The following B4GALT1 variants were observed in gnomAD, a reference collection of about 807,000 sequenced individuals.
B4GALT1 encodes the protein beta-1,4-galactosyltransferase 1.
In B4GALT1, 16 loss-of-function variants were observed where a neutral mutation model predicts 34.9. The observed-to-expected ratio is 0.46, with a 90% CI of 0.31 to 0.70. B4GALT1 has a LOEUF of 0.70. Ranked by LOEUF, B4GALT1 falls within the 30% of genes least tolerant of loss-of-function variation. B4GALT1 has a pLI of 0.05. For missense variants in B4GALT1, 445 were observed against 530.5 expected (o/e 0.84, Z 1.58); for synonymous variants, 221 against 218.1 (o/e 1.01, Z -0.12).
At chr9:33,128,468 C>G (rs1316980544) in intron 2 of B4GALT1, among the ~76,000 whole-genome samples, 1 of 152,124 alleles carries the variant, frequency 6.6e-6, no homozygotes, top group Non-Finnish European at 1.5e-5. Context: ...AATTCACCAG[C>G]AAATTGAGTC....
At chr9:33,108,250 A>C (rs1041705771), downstream of B4GALT1, among the ~76,000 whole-genome samples, 3 of 152,082 alleles carry the variant, frequency 2.0e-5, no homozygotes, top group Non-Finnish European at 4.4e-5. Flanking sequence ...GGATTACTTA[A>C]GCCCAGGAGT....
At chr9:33,167,391 A>C, upstream of B4GALT1, 9 of 251,106 alleles carry the variant, frequency 3.6e-5, no homozygotes, top group East Asian at 1.1e-4. Flanking sequence ...GCCCCGGCGA[A>C]GGCGGGGGCG....
intron 1 of B4GALT1, among the ~76,000 whole-genome samples, chr9:33,147,948 C>G (rs1431568734): frequency 2.0e-5 from 3 of 151,884 alleles, no homozygotes; most frequent in African/African-American, 7.3e-5. Context: ...GTGGGAGGAT[C>G]GCTTAAGCCC....
chr9:33,127,312 G>C (rs2118105564), intron 2 of B4GALT1, among the ~76,000 whole-genome samples: 1 of 152,324 alleles, frequency 6.6e-6, no homozygotes, highest in East Asian at 1.9e-4. Context: ...CAGGATGCCT[G>C]CCTCTCCCAG....
the B4GALT1 span, among the ~76,000 whole-genome samples, chr9:33,184,253 T>TACACACACACACACAC: frequency 3.1e-4 from 45 of 147,230 alleles, no homozygotes; most frequent in African/African-American, 7.0e-4. Context: ...GTCACTCTTG[T>TACACACACACACACAC]ACACACACAC....
upstream of B4GALT1, among the ~76,000 whole-genome samples, chr9:33,168,515 G>T (rs1354490512): frequency 6.6e-6 from 1 of 152,228 alleles, no homozygotes; most frequent in Admixed American, 6.5e-5. Flanking sequence ...CCATGAAGTA[G>T]GTGGTGTTAC....
At chr9:33,166,492 CCTT>C (rs1226193671) in intron 1 of B4GALT1, among the ~76,000 whole-genome samples, 1 of 152,220 alleles carries the variant, frequency 6.6e-6, no homozygotes, top group African/African-American at 2.4e-5. Flanking sequence ...GTCTCCAAGG[CCTT>C]CTCTGGTTCT....
chr9:33,174,990 A>AAAT, the B4GALT1 span, among the ~76,000 whole-genome samples: 1 of 4,836 alleles, frequency 2.1e-4, no homozygotes, highest in Non-Finnish European at 3.8e-4. Context: ...AAAAAAAAAA[A>AAAT]ATATATATAT....
chr9:33,137,461 C>T (rs73473809), intron 1 of B4GALT1, among the ~76,000 whole-genome samples: 11,913 of 152,202 alleles, frequency 0.078, 766 homozygotes, highest in African/African-American at 0.18. Context: ...CCTTGAAGCT[C>T]AGTCCCTTAT....
Position 33,167,280 on chromosome 9 carries a change from CG to C in B4GALT1, c.-112del. 3 of 1,337,076 alleles carry C rather than the reference CG, an allele frequency of 2.2e-6. No individual in the cohort carries two copies. The highest frequency in any genetic ancestry group is 1.9e-6 in the Non-Finnish European group (2 of 1,028,726). 82.8% of individuals were successfully genotyped at this position (1,337,076 alleles called of 1,614,324 possible). A position where few individuals can be genotyped will look rare whatever the true frequency, so the allele number is the denominator to read the frequency against. ...GCGGCGACTAGGGGAGGGCCCGGAG[CG>C]GGGGCGGGCGAGCGGCTGAGAGCTG... On this transcript the variant is annotated 5_prime_UTR_variant, in exon 1 of 6. Transcript: ENST00000379731.
the B4GALT1 span, among the ~76,000 whole-genome samples, chr9:33,183,271 A>T: frequency 6.6e-6 from 1 of 151,842 alleles, no homozygotes. Flanking sequence ...GTTATCAAAT[A>T]AAAAAAACAT....
At chr9:33,169,401 A>G (rs181609329), upstream of B4GALT1, among the ~76,000 whole-genome samples, 141 of 152,154 alleles carry the variant, frequency 9.3e-4, 1 homozygote, top group African/African-American at 3.3e-3. Context: ...AGCCTGAAAC[A>G]CTTGTCCCCA....
chr9:33,173,965 A>G, the B4GALT1 span, among the ~76,000 whole-genome samples: 2 of 152,234 alleles, frequency 1.3e-5, no homozygotes, highest in African/African-American at 4.8e-5. Context: ...ATGAGTCCAT[A>G]ATGATATAAA....
At chr9:33,130,127 G>A (rs1840172840) in intron 2 of B4GALT1, among the ~76,000 whole-genome samples, 1 of 152,178 alleles carries the variant, frequency 6.6e-6, no homozygotes, top group Non-Finnish European at 1.5e-5. Flanking sequence ...TGGGGCAAAG[G>A]GCTGCCATGG....
At chr9:33,170,819 C>T (rs1840834117), upstream of B4GALT1, among the ~76,000 whole-genome samples, 1 of 152,232 alleles carries the variant, frequency 6.6e-6, no homozygotes, top group African/African-American at 2.4e-5. Context: ...CCTTTCTCCC[C>T]ACTGTCTCCA....
chr9:33,160,756 T>C (rs1259368040), intron 1 of B4GALT1, among the ~76,000 whole-genome samples: 1 of 151,948 alleles, frequency 6.6e-6, no homozygotes, highest in Non-Finnish European at 1.5e-5. Flanking sequence ...GCAAAAACCC[T>C]GTCTCAAAAA....
Position 33,164,667 on chromosome 9 carries a change from G to C in B4GALT1, c.412+2091C>G, listed in dbSNP as rs1353762451. 3.3e-5 allele frequency among the ~76,000 whole-genome samples: 5 copies of C among 152,312 alleles called. No individual in the cohort carries two copies. In the East Asian group the frequency reaches 9.6e-4, roughly 29 times the overall value. ...ACAAAACAAAACTAAGCAGAGGTAT[G>C]GTCACGACCTTGTCTCTTACGCTTC... On this transcript the variant is annotated intron_variant, in intron 1 of 5. Coordinates refer to ENST00000379731, the MANE Select transcript of B4GALT1 (RefSeq NM_001497.4).
chr9:33,111,170 C>T lies in B4GALT1; in HGVS notation c.*2284G>A, dbSNP rs1839851938. The T allele has an allele frequency of 7.1e-6, 1 of 140,774 alleles. No homozygotes were observed. Among genetic ancestry groups the T allele is most frequent in the Non-Finnish European group, 1.5e-5 (1 of 66,580 alleles). 8.7% of individuals were successfully genotyped at this position (140,774 alleles called of 1,614,324 possible). On this transcript the variant is annotated 3_prime_UTR_variant, in exon 6 of 6. Transcript: ENST00000379731. ...GGGCCCAGGTGAGCCCATGAGAGCA[C>T]TACGTCAGCAAATGGGGGGAGCAGT...
the B4GALT1 span, among the ~76,000 whole-genome samples, chr9:33,181,455 C>CACAA: frequency 6.6e-6 from 1 of 151,744 alleles, no homozygotes; most frequent in African/African-American, 2.4e-5. Context: ...CACACACACA[C>CACAA]ACACAAACTA....
Sources: gnomAD v4.1 joint callset for allele counts (sites outside exome capture counted in the v4.1 genomes callset) on GRCh38, gnomAD v4.1.1 for gene constraint, MANE v1.5 for transcripts, NCBI Gene and HGNC (gene_info 2026-07-23, HGNC 2026-07-21) for gene names.